Variants in PRKG1 observed in about 807,000 individuals in gnomAD.
PRKG1 encodes the protein cGMP-dependent protein kinase 1.
In PRKG1, 35 loss-of-function variants were observed where a neutral mutation model predicts 88.1. That is an observed-to-expected ratio of 0.40 (90% CI 0.30 to 0.53). PRKG1 has a LOEUF of 0.53. Ranked by LOEUF, PRKG1 falls within the 20% of genes least tolerant of loss-of-function variation. The pLI is 0.59. For synonymous variants in PRKG1, 303 were observed against 292.5 expected, an observed-to-expected ratio of 1.04 and a Z score of -0.37; for missense variants, 540 against 839.8, an observed-to-expected ratio of 0.64 and a Z score of 4.41.
chr10:52,219,934 G>T (rs1361600242), intron 9 of PRKG1, among the ~76,000 whole-genome samples: 2 of 152,154 alleles, frequency 1.3e-5, no homozygotes, highest in African/African-American at 2.4e-5. Context: ...AAGATTAAAA[G>T]TTGGTAGGTC....
intron 3 of PRKG1, among the ~76,000 whole-genome samples, chr10:51,486,767 G>A (rs904473375): frequency 6.6e-6 from 1 of 151,996 alleles, no homozygotes; most frequent in Non-Finnish European, 1.5e-5. Context: ...GGGTTCATTG[G>A]CTTGAAATAA....
chr10:51,430,709 C>A (rs1303658776), intron 2 of PRKG1, among the ~76,000 whole-genome samples: 1 of 152,088 alleles, frequency 6.6e-6, no homozygotes, highest in Non-Finnish European at 1.5e-5. Context: ...TATCTATCAA[C>A]TAGTAAGTGG....
At chr10:51,276,262 G>A (rs1049747766) in intron 2 of PRKG1, among the ~76,000 whole-genome samples, 4 of 152,070 alleles carry the variant, frequency 2.6e-5, no homozygotes, top group Non-Finnish European at 5.9e-5. Flanking sequence ...ATGGTTTGCA[G>A]CTTCATCCAT....
chr10:52,132,247 C>T (rs749493448), intron 7 of PRKG1, among the ~76,000 whole-genome samples: 2 of 152,034 alleles, frequency 1.3e-5, no homozygotes, highest in African/African-American at 4.8e-5. Flanking sequence ...TATAATACAA[C>T]TCTACTAGAA....
In PRKG1 at chr10:51,074,617, C is replaced by T. The variant is rs777472224; in HGVS notation, c.27C>T (p.Tyr9=). The change falls in exon 1 of 18, where the codon TAC becomes TAT. Residue 9 remains tyrosine, a synonymous_variant. Coordinates refer to ENST00000373980, the MANE Select transcript of PRKG1 (RefSeq NM_006258.4). Reference sequence around the variant, plus strand: ...TGGGCACCTTGCGGGATTTACAGTACGCGCTCCAGGAGAAGATCGAGGAGC... The same window carrying T: ...TGGGCACCTTGCGGGATTTACAGTATGCGCTCCAGGAGAAGATCGAGGAGC... MGTLRDLQ[Y]ALQEKIEELR... 32 of 1,613,276 alleles carry T rather than the reference C, an allele frequency of 2.0e-5. No homozygotes were observed. The highest frequency in any genetic ancestry group is 2.6e-5 in the Non-Finnish European group (31 of 1,179,510).
At chr10:51,702,452 G>T (rs781244136) in intron 3 of PRKG1, among the ~76,000 whole-genome samples, 2 of 152,066 alleles carry the variant, frequency 1.3e-5, no homozygotes, top group African/African-American at 2.4e-5. Context: ...ATCTAACTTG[G>T]AAGAACATCC....
At chr10:52,129,798 G>T (rs1020473208) in intron 7 of PRKG1, among the ~76,000 whole-genome samples, 3 of 152,104 alleles carry the variant, frequency 2.0e-5, no homozygotes, top group Non-Finnish European at 4.4e-5. Flanking sequence ...TATTAGTGCT[G>T]GTTCTATTAA....
At chr10:52,173,578 G>A (rs1465409755) in intron 9 of PRKG1, among the ~76,000 whole-genome samples, 1 of 152,168 alleles carries the variant, frequency 6.6e-6, no homozygotes, top group African/African-American at 2.4e-5. Flanking sequence ...AAGATGAGAT[G>A]TAGAAGTGAA....
chr10:52,291,175 G>A (rs7091481), intron 17 of PRKG1, among the ~76,000 whole-genome samples: 16,409 of 151,662 alleles, frequency 0.11, 1,448 homozygotes, highest in African/African-American at 0.24. Context: ...CTCCCACCTC[G>A]GCCTCCCAAG....
chr10:51,147,933 G>A (rs1845980293), intron 1 of PRKG1, among the ~76,000 whole-genome samples: 1 of 152,156 alleles, frequency 6.6e-6, no homozygotes, highest in South Asian at 2.1e-4. Context: ...TTATCTTTAT[G>A]TGGGCTGGTT....
At chr10:51,520,482 G>A (rs1227607765) in intron 3 of PRKG1, among the ~76,000 whole-genome samples, 4 of 151,938 alleles carry the variant, frequency 2.6e-5, no homozygotes, top group Admixed American at 2.0e-4. Flanking sequence ...AATTGCATGA[G>A]GAACGCAGGG....
At chr10:51,343,723 T>C (rs1842051460) in intron 2 of PRKG1, among the ~76,000 whole-genome samples, 1 of 152,190 alleles carries the variant, frequency 6.6e-6, no homozygotes. Context: ...TTCTCTCACT[T>C]AGCACATTAG....
At chr10:51,732,109 G>A (rs1160397484) in intron 3 of PRKG1, among the ~76,000 whole-genome samples, 4 of 151,154 alleles carry the variant, frequency 2.6e-5, no homozygotes, top group African/African-American at 4.9e-5. Context: ...GCCCAGGCTG[G>A]AGTGCAGTGA....
intron 5 of PRKG1, among the ~76,000 whole-genome samples, chr10:52,007,691 T>C (rs1423943941): frequency 6.6e-6 from 1 of 152,070 alleles, no homozygotes; most frequent in South Asian, 2.1e-4. Flanking sequence ...TCTTCAACAC[T>C]CCACTGACAG....
chr10:52,194,956 T>G (rs1839465377), intron 9 of PRKG1, among the ~76,000 whole-genome samples: 1 of 152,182 alleles, frequency 6.6e-6, no homozygotes, highest in African/African-American at 2.4e-5. Flanking sequence ...TGACACTTGC[T>G]GTATTGAATT....
intron 1 of PRKG1, among the ~76,000 whole-genome samples, chr10:51,027,052 C>T (rs1042075959): frequency 1.1e-4 from 16 of 151,894 alleles, no homozygotes; most frequent in Admixed American, 7.9e-4. Context: ...GTTTTGGATC[C>T]CAGTGCAAAA....
chr10:51,572,163 A>T (rs778807127), intron 3 of PRKG1, among the ~76,000 whole-genome samples: 98 of 151,896 alleles, frequency 6.5e-4, no homozygotes, highest in Admixed American at 1.4e-3. Flanking sequence ...ATTTCTGAGT[A>T]AAACATACTT....
At chr10:51,324,977 A>G (rs1841551652) in intron 2 of PRKG1, among the ~76,000 whole-genome samples, 1 of 152,112 alleles carries the variant, frequency 6.6e-6, no homozygotes, top group East Asian at 1.9e-4. Flanking sequence ...TAATAGCTGT[A>G]CTAATTTACA....
chr10:51,865,463 A>G (rs1454285276), intron 4 of PRKG1, among the ~76,000 whole-genome samples: 1 of 152,070 alleles, frequency 6.6e-6, no homozygotes, highest in Admixed American at 6.6e-5. Context: ...CATTGTGATG[A>G]GTATGAAAAA....
Sources: allele counts gnomAD v4.1 joint callset (sites outside exome capture counted in the v4.1 genomes callset), GRCh38; gene constraint gnomAD v4.1.1; transcripts MANE v1.5; gene names NCBI Gene and HGNC (gene_info 2026-07-23, HGNC 2026-07-21).